Variants in CEP128 observed in about 807,000 individuals in gnomAD.
CEP128 encodes the protein centrosomal protein 128kDa.
CEP128 carries 132 observed loss-of-function variants against 156.7 expected under a neutral mutation model. The ratio of observed to expected loss-of-function variants is 0.84; its 90% CI spans 0.73 to 0.97. CEP128 has a LOEUF of 0.97. Ranked by LOEUF, CEP128 falls within the 50% of genes least tolerant of loss-of-function variation. CEP128 has a pLI of 0.00. For missense variants in CEP128, 1,252 were observed against 1,281.9 expected, an observed-to-expected ratio of 0.98 and a Z score of 0.36; for synonymous variants, 469 against 448.9, an observed-to-expected ratio of 1.04 and a Z score of -0.57.
In CEP128 at chr14:80,563,524, C is replaced by CTTT. The variant is rs540593415; in HGVS notation, c.2857-4225_2857-4223dup. On this transcript the variant is annotated intron_variant, in intron 20 of 24. Coordinates refer to ENST00000555265, the MANE Select transcript of CEP128 (RefSeq NM_152446.5). ...GAAGCCTACCCATGGGCCTCCAAATCTTTTTTTTTTTTTTTTTTTTTTTTT... is the reference window on the plus strand; with the variant it reads ...GAAGCCTACCCATGGGCCTCCAAATCTTTTTTTTTTTTTTTTTTTTTTTTTTTT... Among the ~76,000 whole-genome samples the CTTT allele has an allele frequency of 2.1e-3, 162 of 78,876 alleles. 15 individuals carry two copies. Among genetic ancestry groups the CTTT allele is most frequent in the African/African-American group, 4.9e-3 (84 of 16,976 alleles). The allele number at this position is 78,876 out of a possible 152,430, so 51.7% of individuals were successfully genotyped here.
At chr14:80,746,024 T>C (rs1899082503) in intron 18 of CEP128, among the ~76,000 whole-genome samples, 1 of 152,128 alleles carries the variant, frequency 6.6e-6, no homozygotes, top group Non-Finnish European at 1.5e-5. Flanking sequence ...AAATGAAGTC[T>C]TTAGTGATAA....
At chr14:80,896,381 C>T (rs902588400) in intron 7 of CEP128, among the ~76,000 whole-genome samples, 2 of 152,178 alleles carry the variant, frequency 1.3e-5, no homozygotes, top group African/African-American at 4.8e-5. Flanking sequence ...CTTCTGGCTG[C>T]ACTTCCCTCT....
chr14:80,925,179 C>T (rs1199125632), intron 2 of CEP128, among the ~76,000 whole-genome samples: 1 of 150,962 alleles, frequency 6.6e-6, no homozygotes, highest in African/African-American at 2.4e-5. Context: ...AATATGCAAC[C>T]GGATATGTGA....
At chr14:80,783,324 A>G (rs1478050030) in intron 15 of CEP128, among the ~76,000 whole-genome samples, 1 of 152,162 alleles carries the variant, frequency 6.6e-6, no homozygotes, top group Non-Finnish European at 1.5e-5. Flanking sequence ...CTAGCAAAGC[A>G]GTTAAGAACA....
Position 80,594,271 on chromosome 14 carries a change from G to A in CEP128, c.2807-13848C>T, listed in dbSNP as rs551888933. Among the ~76,000 whole-genome samples the A allele has an allele frequency of 3.9e-5, 6 of 152,254 alleles. No individual in the cohort carries two copies. The East Asian group carries it at 1.2e-3, about 29-fold the overall frequency. On this transcript the variant is annotated intron_variant, in intron 19 of 24. Coordinates refer to ENST00000555265, the MANE Select transcript of CEP128 (RefSeq NM_152446.5). ...TGTTGGGGTAACTGGCTAGCCATAT[G>A]CAGAAAACTGAAACTGGACCCCTTC... is the stretch of plus-strand genomic sequence containing the variant.
At chr14:80,503,679 T>A (rs113309769) in intron 24 of CEP128, among the ~76,000 whole-genome samples, 1 of 152,138 alleles carries the variant, frequency 6.6e-6, no homozygotes, top group African/African-American at 2.4e-5. Context: ...TTGGAGAAAG[T>A]TTTCCATTGC....
At chr14:80,535,577 A>C (rs1347723888) in intron 21 of CEP128, among the ~76,000 whole-genome samples, 1 of 152,066 alleles carries the variant, frequency 6.6e-6, no homozygotes, top group Non-Finnish European at 1.5e-5. Context: ...GTCTAAACAC[A>C]CTTGTGTGCA....
At chr14:80,831,328 T>C (rs750834593) in intron 12 of CEP128, 34 bp from the exon 13 acceptor site, 21 of 1,607,198 alleles carry the variant, frequency 1.3e-5, no homozygotes, top group Non-Finnish European at 1.8e-5. Context: ...CAAGGGTTGT[T>C]CTTTATTCAC....
intron 8 of CEP128, among the ~76,000 whole-genome samples, chr14:80,863,284 A>G (rs2140162009): frequency 6.6e-6 from 1 of 152,304 alleles, no homozygotes; most frequent in African/African-American, 2.4e-5. Context: ...TTCTATTTTT[A>G]TTATCCATGA....
At chr14:80,816,869 T>C (rs971368026) in intron 13 of CEP128, among the ~76,000 whole-genome samples, 3 of 151,694 alleles carry the variant, frequency 2.0e-5, no homozygotes, top group African/African-American at 7.3e-5. Context: ...AGTCTGAGAA[T>C]GCCCCAAAGA....
chr14:80,571,574 A>C (rs1376842373), intron 20 of CEP128, among the ~76,000 whole-genome samples: 1 of 152,246 alleles, frequency 6.6e-6, no homozygotes, highest in Non-Finnish European at 1.5e-5. Context: ...TCAACTGATT[A>C]TAATAAAAGT....
intron 8 of CEP128, among the ~76,000 whole-genome samples, chr14:80,885,157 C>T (rs1038352549): frequency 1.3e-5 from 2 of 152,194 alleles, no homozygotes; most frequent in African/African-American, 4.8e-5. Context: ...TCCCATCTCC[C>T]TGAGACACAG....
At chr14:80,711,139 G>A (rs1050268211) in intron 19 of CEP128, among the ~76,000 whole-genome samples, 3 of 152,084 alleles carry the variant, frequency 2.0e-5, no homozygotes, top group Non-Finnish European at 2.9e-5. Flanking sequence ...CGAGTTAAAT[G>A]TTGGACTGAG....
chr14:80,600,582 A>G (rs1211411348), intron 19 of CEP128, among the ~76,000 whole-genome samples: 1 of 152,238 alleles, frequency 6.6e-6, no homozygotes, highest in African/African-American at 2.4e-5. Flanking sequence ...TCATGGTGAA[A>G]TGAAAGTACA....
intron 19 of CEP128, among the ~76,000 whole-genome samples, chr14:80,644,107 AAGATTGCC>A (rs1894537730): frequency 6.6e-6 from 1 of 152,196 alleles, no homozygotes; most frequent in Admixed American, 6.5e-5. Flanking sequence ...AGTAACGCTA[AAGATTGCC>A]AGCCACCACC....
intron 19 of CEP128, among the ~76,000 whole-genome samples, chr14:80,689,313 A>AAG (rs1341236046): frequency 7.0e-6 from 1 of 142,936 alleles, no homozygotes; most frequent in African/African-American, 2.6e-5. Context: ...AAAAAAAAAA[A>AAG]AGAGAAATGC....
At chr14:80,936,044 T>G (rs560939661) in intron 2 of CEP128, among the ~76,000 whole-genome samples, 1 of 152,290 alleles carries the variant, frequency 6.6e-6, no homozygotes, top group East Asian at 1.9e-4. Context: ...TCTAATTTCA[T>G]CAGGAGTCCA....
At chr14:80,847,904 G>A (rs1316857841) in intron 9 of CEP128, among the ~76,000 whole-genome samples, 1 of 152,078 alleles carries the variant, frequency 6.6e-6, no homozygotes, top group Non-Finnish European at 1.5e-5. Context: ...GATAGTATTG[G>A]CCAAATGAAT....
chr14:80,493,570 G>T (rs1887396199), downstream of CEP128, among the ~76,000 whole-genome samples: 2 of 152,168 alleles, frequency 1.3e-5, no homozygotes, highest in East Asian at 3.9e-4. Flanking sequence ...AAGAAAAGAT[G>T]CCCAACCACA....
Sources: allele counts gnomAD v4.1 joint callset (sites outside exome capture counted in the v4.1 genomes callset), GRCh38; gene constraint gnomAD v4.1.1; transcripts MANE v1.5; gene names NCBI Gene and HGNC (gene_info 2026-07-23, HGNC 2026-07-21).